Variants in ACTR3 observed in about 807,000 individuals in gnomAD.
The protein encoded by ACTR3 is actin-related protein 3.
Under a neutral mutation model 56.8 loss-of-function variants are expected in ACTR3, and 12 were observed. That is an observed-to-expected ratio of 0.21 (90% CI 0.14 to 0.34). ACTR3 has a LOEUF of 0.34. Ranked by LOEUF, ACTR3 falls within the 10% of genes least tolerant of loss-of-function variation. ACTR3 has a pLI of 1.00. For missense variants in ACTR3, 282 were observed against 512.5 expected, an observed-to-expected ratio of 0.55 and a Z score of 4.34; for synonymous variants, 162 against 167.4, an observed-to-expected ratio of 0.97 and a Z score of 0.25.
intron 8 of ACTR3, among the ~76,000 whole-genome samples, chr2:113,949,768 G>C (rs555310977): frequency 6.6e-6 from 1 of 152,158 alleles, no homozygotes; most frequent in East Asian, 1.9e-4. Flanking sequence ...TCGCTATGTT[G>C]CCCAGGCTGG....
In ACTR3 at chr2:113,960,537, A is replaced by T. The variant is rs1443846784; in HGVS notation, c.*3082A>T. 5.9e-5 allele frequency: 9 copies of T among 152,150 alleles called. No homozygotes were observed. In the East Asian group the frequency reaches 1.7e-3, roughly 29 times the overall value. 9.4% of individuals were successfully genotyped at this position (152,150 alleles called of 1,614,324 possible). On this transcript the variant is annotated 3_prime_UTR_variant, in exon 12 of 12. Transcript: ENST00000263238. ...CTTCTTTCAGATAACCCTAAAGATG[A>T]TACTAGAATGTTTATAAAATTATTG...
intron 1 of ACTR3, among the ~76,000 whole-genome samples, chr2:113,893,874 CT>C: frequency 6.6e-6 from 1 of 152,270 alleles, no homozygotes; most frequent in East Asian, 1.9e-4. Context: ...CTGACTTCAA[CT>C]TCTTAGCAAT....
At chr2:113,899,060 A>C (rs1185723192) in intron 1 of ACTR3, among the ~76,000 whole-genome samples, 1 of 152,166 alleles carries the variant, frequency 6.6e-6, no homozygotes, top group Non-Finnish European at 1.5e-5. Flanking sequence ...CAAAGCTACT[A>C]ATTTTTAGTA....
intron 1 of ACTR3, among the ~76,000 whole-genome samples, chr2:113,892,512 C>G (rs370607873): frequency 1.3e-5 from 2 of 152,138 alleles, no homozygotes; most frequent in African/African-American, 2.4e-5. Context: ...TTTGGTCTTA[C>G]AAGTTTCCAG....
At chr2:113,931,470 CTTTTT>C (rs200938275) in intron 5 of ACTR3, 74 bp downstream of exon 5, 1 of 687,592 alleles carries the variant, frequency 1.5e-6, no homozygotes, top group Non-Finnish European at 2.1e-6. Context: ...AAAATACGTA[CTTTTT>C]TTTTTTTTCT....
chr2:113,916,733 G>A, intron 2 of ACTR3, 151 bp from the exon 3 acceptor site: 2 of 566,414 alleles, frequency 3.5e-6, no homozygotes, highest in Non-Finnish European at 5.4e-6. Flanking sequence ...TTTGTCACTG[G>A]TTTCTTATGA....
intron 3 of ACTR3, among the ~76,000 whole-genome samples, chr2:113,921,952 C>T (rs1324872831): frequency 6.6e-6 from 1 of 152,044 alleles, no homozygotes; most frequent in Non-Finnish European, 1.5e-5. Context: ...GAAAAGTCTG[C>T]GAAAGAGACT....
intron 1 of ACTR3, chr2:113,904,015 C>T (rs1307295781): frequency 6.6e-6 from 1 of 152,188 alleles, no homozygotes; most frequent in Non-Finnish European, 1.5e-5. Context: ...TGGCACTGCG[C>T]CCGGCTAATT....
chr2:113,907,886 C>T (rs199890947), intron 1 of ACTR3, among the ~76,000 whole-genome samples: 1 of 148,604 alleles, frequency 6.7e-6, no homozygotes, highest in East Asian at 2.0e-4. Flanking sequence ...GCAGGAAAAT[C>T]GCTTCAACCC....
intron 8 of ACTR3, among the ~76,000 whole-genome samples, chr2:113,945,154 TGTGAAG>T (rs1475093586): frequency 1.3e-5 from 2 of 151,812 alleles, no homozygotes; most frequent in Admixed American, 6.6e-5. Flanking sequence ...TATACTGGAG[TGTGAAG>T]GTTTTTGGTG....
chr2:113,954,929 A>T (rs1559493708), intron 10 of ACTR3: 1 of 152,116 alleles, frequency 6.6e-6, no homozygotes, highest in Non-Finnish European at 1.5e-5. Flanking sequence ...CTCTACATAA[A>T]TTAAAACCAT....
intron 8 of ACTR3, among the ~76,000 whole-genome samples, chr2:113,944,192 G>C (rs1417130382): frequency 6.6e-6 from 1 of 152,110 alleles, no homozygotes; most frequent in Non-Finnish European, 1.5e-5. Flanking sequence ...AGAGCAGCTT[G>C]TTACTTATCT....
intron 11 of ACTR3, among the ~76,000 whole-genome samples, chr2:113,957,021 A>G (rs1559495132): frequency 2.6e-5 from 4 of 152,222 alleles, no homozygotes; most frequent in Non-Finnish European, 5.9e-5. Flanking sequence ...CCGCTTCTTT[A>G]CATTATTGGT....
At chr2:113,920,953 T>G (rs1034975491) in intron 3 of ACTR3, among the ~76,000 whole-genome samples, 2 of 152,196 alleles carry the variant, frequency 1.3e-5, no homozygotes, top group South Asian at 4.1e-4. Context: ...ATCTTTGATA[T>G]AGTAATTTAT....
intron 1 of ACTR3, chr2:113,890,627 G>T (rs905868267): frequency 4.8e-5 from 62 of 1,280,442 alleles, no homozygotes; most frequent in Non-Finnish European, 5.8e-5. Context: ...CCCAAAGGGC[G>T]CTGGGGACGG....
intron 1 of ACTR3, among the ~76,000 whole-genome samples, chr2:113,893,642 A>C (rs1678950501): frequency 6.6e-6 from 1 of 152,176 alleles, no homozygotes; most frequent in Non-Finnish European, 1.5e-5. Context: ...TCCATCATTC[A>C]AGCCAAATGA....
At chr2:113,892,551 G>C (rs963412935) in intron 1 of ACTR3, among the ~76,000 whole-genome samples, 7 of 152,146 alleles carry the variant, frequency 4.6e-5, no homozygotes, top group Admixed American at 4.6e-4. Context: ...TACACCTTCA[G>C]CTTTATTTGC....
rs1463801748 is a variant in ACTR3 at position 113,951,553 on chromosome 2, C to G, written c.933C>G (p.Val311=). 1 of 1,611,584 alleles carries G rather than the reference C, an allele frequency of 6.2e-7. No homozygotes were observed. The highest frequency in any genetic ancestry group is 8.5e-7 in the Non-Finnish European group (1 of 1,178,072). ...TAATTCAGAATTGTCCTATTGATGT[C>G]AGACGTCCTCTCTACAAGGTATTTA... is the stretch of plus-strand genomic sequence containing the variant. The part of the protein sequence containing the change: ...DEVIQNCPID[V]RRPLYKNIVL... Residue 311 remains valine, a synonymous_variant, in exon 9 of 12, where the codon GTC becomes GTG. Transcript: ENST00000263238.
chr2:113,890,330 G>A lies in ACTR3; in HGVS notation c.44+7G>A, dbSNP rs201719881. The A allele has an allele frequency of 4.6e-5, 70 of 1,531,312 alleles. No homozygotes were observed. In the East Asian group the frequency reaches 1.6e-3, roughly 35 times the overall value. 94.9% of individuals were successfully genotyped at this position (1,531,312 alleles called of 1,614,324 possible). Reference sequence around the variant, plus strand: ...TGGTGGACTGTGGCACGGGGTAAGGGGGCTTACGGGCGGGGGTGGGGAAAC... The same window carrying A: ...TGGTGGACTGTGGCACGGGGTAAGGAGGCTTACGGGCGGGGGTGGGGAAAC... On this transcript the variant is annotated splice_region_variant and intron_variant, in intron 1 of 11. Transcript: ENST00000263238.
Sources: gnomAD v4.1 joint callset for allele counts (sites outside exome capture counted in the v4.1 genomes callset) on GRCh38, gnomAD v4.1.1 for gene constraint, MANE v1.5 for transcripts, NCBI Gene and HGNC (gene_info 2026-07-23, HGNC 2026-07-21) for gene names.